Variants in SLC9A9 observed in about 807,000 individuals in gnomAD.
The protein encoded by SLC9A9 is solute carrier family 9 member A9.
Under a neutral mutation model 77.8 loss-of-function variants are expected in SLC9A9, and 62 were observed. The ratio of observed to expected loss-of-function variants is 0.80; its 90% CI spans 0.65 to 0.98. The LOEUF is 0.98. Ranked by LOEUF, SLC9A9 falls within the 50% of genes least tolerant of loss-of-function variation. The probability of loss-of-function intolerance (pLI) is 0.00; values close to 1 mark genes in which losing one functional copy is unlikely to be tolerated. For missense variants in SLC9A9, 775 were observed against 774.9 expected, an observed-to-expected ratio of 1.00 and a Z score of 0.00; for synonymous variants, 320 against 283.5, an observed-to-expected ratio of 1.13 and a Z score of -1.29.
chr3:143,479,640 G>C (rs2035540561), intron 11 of SLC9A9, among the ~76,000 whole-genome samples: 2 of 152,164 alleles, frequency 1.3e-5, no homozygotes, highest in African/African-American at 4.8e-5. Flanking sequence ...GTCCTTAAAT[G>C]GAGGGAAGAG....
intron 9 of SLC9A9, among the ~76,000 whole-genome samples, chr3:143,532,511 A>C (rs1310334646): frequency 1.3e-5 from 2 of 152,334 alleles, no homozygotes; most frequent in East Asian, 1.9e-4. Context: ...ACCAGTCTCT[A>C]ATACAGCAGT....
chr3:143,291,986 A>G (rs1157783219), intron 14 of SLC9A9, among the ~76,000 whole-genome samples: 1 of 152,216 alleles, frequency 6.6e-6, no homozygotes, highest in Non-Finnish European at 1.5e-5. Flanking sequence ...TGGGCCCGAG[A>G]GGAATCCCCC....
intron 4 of SLC9A9, among the ~76,000 whole-genome samples, chr3:143,718,488 C>A (rs975594630): frequency 1.3e-5 from 2 of 152,218 alleles, no homozygotes; most frequent in Non-Finnish European, 2.9e-5. Context: ...GGCACAGACA[C>A]CAATGTGCCC....
chr3:143,600,396 G>A (rs946754263), intron 6 of SLC9A9, among the ~76,000 whole-genome samples: 1 of 152,204 alleles, frequency 6.6e-6, no homozygotes. Context: ...CCATAAGAAA[G>A]GATGTTTTGC....
intron 9 of SLC9A9, among the ~76,000 whole-genome samples, chr3:143,514,168 C>A (rs1296022817): frequency 6.6e-6 from 1 of 151,636 alleles, no homozygotes; most frequent in Non-Finnish European, 1.5e-5. Context: ...CTACAAAGGA[C>A]ATGAACTCAT....
At chr3:143,364,483 T>C (rs1394267702) in intron 13 of SLC9A9, among the ~76,000 whole-genome samples, 3 of 152,210 alleles carry the variant, frequency 2.0e-5, no homozygotes, top group Non-Finnish European at 4.4e-5. Flanking sequence ...AATAGTCTTC[T>C]GAGGATGTAA....
chr3:143,793,307 T>A (rs1170815318), intron 4 of SLC9A9, among the ~76,000 whole-genome samples: 3 of 152,130 alleles, frequency 2.0e-5, no homozygotes, highest in African/African-American at 7.2e-5. Flanking sequence ...TATTGAAAGA[T>A]CTAAGAAAGA....
chr3:143,473,797 C>T (rs755509097), intron 11 of SLC9A9, among the ~76,000 whole-genome samples: 1 of 152,176 alleles, frequency 6.6e-6, no homozygotes, highest in Non-Finnish European at 1.5e-5. Context: ...GAACACAAAA[C>T]TCTGTAAATG....
At chr3:143,825,192 C>T (rs1464301033) in intron 2 of SLC9A9, among the ~76,000 whole-genome samples, 1 of 152,174 alleles carries the variant, frequency 6.6e-6, no homozygotes, top group African/African-American at 2.4e-5. Flanking sequence ...TTATCCTCCC[C>T]AAGAGTGTCC....
intron 7 of SLC9A9, among the ~76,000 whole-genome samples, chr3:143,577,924 A>G (rs185555966): frequency 1.3e-5 from 2 of 152,208 alleles, no homozygotes; most frequent in Admixed American, 6.5e-5. Flanking sequence ...CCCTATCTGA[A>G]TGTTCTAAGT....
At chr3:143,687,741 T>A (rs1576659954) in intron 5 of SLC9A9, among the ~76,000 whole-genome samples, 2 of 149,582 alleles carry the variant, frequency 1.3e-5, no homozygotes, top group South Asian at 4.2e-4. Flanking sequence ...TTTTGTCTGT[T>A]AAAAAAAAAA....
At chr3:143,369,941 AG>A (rs969903317) in intron 13 of SLC9A9, among the ~76,000 whole-genome samples, 1 of 152,224 alleles carries the variant, frequency 6.6e-6, no homozygotes, top group African/African-American at 2.4e-5. Flanking sequence ...ATGGCAAGTA[AG>A]GAACAGAGGC....
At chr3:143,590,245 T>G (rs1030767247) in intron 6 of SLC9A9, among the ~76,000 whole-genome samples, 4 of 152,234 alleles carry the variant, frequency 2.6e-5, no homozygotes, top group African/African-American at 9.6e-5. Context: ...ACAATTGTGT[T>G]TCCTTCATAG....
At chr3:143,609,916 A>AT (rs34910868) in intron 6 of SLC9A9, among the ~76,000 whole-genome samples, 45,631 of 151,946 alleles carry the variant, frequency 0.3, 7,153 homozygotes, top group African/African-American at 0.38. Context: ...TACAATGAAT[A>AT]TTTTTGAATA....
rs1440209530 is a variant in SLC9A9 at position 143,266,933 on chromosome 3, G to T, written c.1711-4C>A. On this transcript the variant is annotated splice_polypyrimidine_tract_variant and splice_region_variant and intron_variant, in intron 15 of 15. Coordinates refer to ENST00000316549, the MANE Select transcript of SLC9A9 (RefSeq NM_173653.4). ...CATCATCCTCTTTTAGCTGTTCCTGGTTGGGAAAAGAGAGAGAGGTGTCAC... is the reference window on the plus strand; with the variant it reads ...CATCATCCTCTTTTAGCTGTTCCTGTTTGGGAAAAGAGAGAGAGGTGTCAC... The T allele has an allele frequency of 6.2e-7, 1 of 1,613,672 alleles. No homozygotes were observed. Among genetic ancestry groups the T allele is most frequent in the Non-Finnish European group, 8.5e-7 (1 of 1,179,744 alleles).
At chr3:143,700,629 G>A (rs1933769874) in intron 4 of SLC9A9, among the ~76,000 whole-genome samples, 1 of 152,232 alleles carries the variant, frequency 6.6e-6, no homozygotes. Flanking sequence ...CACAGTTTGA[G>A]TACCAGCTTA....
At chr3:143,438,262 C>A (rs749708800) in intron 12 of SLC9A9, among the ~76,000 whole-genome samples, 1 of 152,154 alleles carries the variant, frequency 6.6e-6, no homozygotes, top group Non-Finnish European at 1.5e-5. Flanking sequence ...TGTGTCAGGG[C>A]GGTTGGTAGG....
intron 14 of SLC9A9, among the ~76,000 whole-genome samples, chr3:143,292,488 G>GT (rs1490442601): frequency 3.3e-5 from 5 of 152,038 alleles, no homozygotes; most frequent in Non-Finnish European, 7.4e-5. Context: ...CAGAGCCCAT[G>GT]TTTTTTTCGC....
At chr3:143,520,730 C>T (rs1199147608) in intron 9 of SLC9A9, among the ~76,000 whole-genome samples, 1 of 152,122 alleles carries the variant, frequency 6.6e-6, no homozygotes, top group African/African-American at 2.4e-5. Context: ...GGGATCTGAA[C>T]CCAGCTAGTC....
Sources: allele counts gnomAD v4.1 joint callset (sites outside exome capture counted in the v4.1 genomes callset), GRCh38; gene constraint gnomAD v4.1.1; transcripts MANE v1.5; gene names NCBI Gene and HGNC (gene_info 2026-07-23, HGNC 2026-07-21).